Variants in ASXL2 observed in about 807,000 individuals in gnomAD.
The protein encoded by ASXL2 is putative Polycomb group protein ASXL2.
A neutral mutation model predicts 122.0 loss-of-function variants in ASXL2; 23 were observed. That is an observed-to-expected ratio of 0.19 (90% CI 0.14 to 0.27). The LOEUF (loss-of-function observed/expected upper bound fraction) is 0.27. Ranked by LOEUF, ASXL2 falls within the 10% of genes least tolerant of loss-of-function variation. ASXL2 has a pLI of 1.00. For synonymous variants in ASXL2, 650 were observed against 637.0 expected, an observed-to-expected ratio of 1.02 and a Z score of -0.31; for missense variants, 1,518 against 1,713.8, an observed-to-expected ratio of 0.89 and a Z score of 2.02.
In ASXL2 at chr2:25,786,979, C is replaced by CAA. The variant is rs368718510; in HGVS notation, c.403+12404_403+12405dup. ...GTAAGTCCTGGCTGGTACAAAATGG[C>CAA]AAAAAAAAAAAAGAAAAAGAAAATT... On this transcript the variant is annotated intron_variant, in intron 5 of 12. Coordinates refer to ENST00000435504, the MANE Select transcript of ASXL2 (RefSeq NM_018263.6). 3.7e-3 allele frequency among the ~76,000 whole-genome samples: 512 copies of CAA among 138,468 alleles called. 4 individuals are homozygous for CAA. The highest frequency in any genetic ancestry group is 0.024 in the East Asian group (104 of 4,414). The allele number at this position is 138,468 out of a possible 152,430, so 90.8% of individuals were successfully genotyped here.
At chr2:25,850,466 T>G (rs1574447910) in intron 1 of ASXL2, among the ~76,000 whole-genome samples, 1 of 152,344 alleles carries the variant, frequency 6.6e-6, no homozygotes, top group South Asian at 2.1e-4. Flanking sequence ...CCTCTGTCCC[T>G]TGCATTTCCT....
chr2:25,752,189 G>A (rs191910116), intron 11 of ASXL2, among the ~76,000 whole-genome samples: 88 of 152,284 alleles, frequency 5.8e-4, no homozygotes, highest in East Asian at 2.9e-3. Flanking sequence ...CTGTGGTTAC[G>A]GGTCTTCTTA....
Position 25,739,455 on chromosome 2 carries a change from T to A in ASXL2, c.*2574A>T, listed in dbSNP as rs17392059. 1 of 182,782 alleles carries A rather than the reference T, an allele frequency of 5.5e-6. No individual in the cohort carries two copies. The highest frequency in any genetic ancestry group is 2.0e-4 in the South Asian group (1 of 5,072). The allele number at this position is 182,782 out of a possible 1,614,324, so 11.3% of individuals were successfully genotyped here. Reference sequence around the variant, plus strand: ...CTCTGTGTTGAAACCAACTGATAAATAGACTGGTATTCAAGTTACTACCCA... The same window carrying A: ...CTCTGTGTTGAAACCAACTGATAAAAAGACTGGTATTCAAGTTACTACCCA... On this transcript the variant is annotated 3_prime_UTR_variant, in exon 13 of 13. Transcript: ENST00000435504.
chr2:25,771,555 G>A lies in ASXL2; in HGVS notation c.404-15C>T. The A allele has an allele frequency of 1.3e-6, 2 of 1,598,108 alleles. No homozygotes were observed. The highest frequency in any genetic ancestry group is 1.7e-6 in the Non-Finnish European group (2 of 1,168,404). Reference sequence around the variant, plus strand: ...GGACGACGATACTAGGGAAAAAAAAGTGACAATAAAAGATTTTTGTTAACA... The same window carrying A: ...GGACGACGATACTAGGGAAAAAAAAATGACAATAAAAGATTTTTGTTAACA... On this transcript the variant is annotated splice_polypyrimidine_tract_variant and intron_variant, in intron 5 of 12. Transcript: ENST00000435504.
chr2:25,754,172 A>G (rs1180147936), intron 10 of ASXL2, among the ~76,000 whole-genome samples: 1 of 152,080 alleles, frequency 6.6e-6, no homozygotes, highest in Admixed American at 6.6e-5. Context: ...TAATTGTTCC[A>G]CAAATTGTAC....
intron 3 of ASXL2, among the ~76,000 whole-genome samples, chr2:25,835,148 T>C (rs1390469191): frequency 6.6e-6 from 1 of 152,130 alleles, no homozygotes; most frequent in African/African-American, 2.4e-5. Context: ...TTTATCTAAA[T>C]TAAGAGCACA....
chr2:25,834,224 G>A (rs2089483693), intron 3 of ASXL2, among the ~76,000 whole-genome samples: 1 of 151,868 alleles, frequency 6.6e-6, no homozygotes, highest in Non-Finnish European at 1.5e-5. Context: ...TTGGTGGCAG[G>A]CACCTGTAAT....
rs753782912 is a variant in ASXL2, at chr2:25,799,340, G to C, written c.403+45C>G. 3.8e-5 allele frequency: 61 copies of C among 1,613,132 alleles called. No homozygotes were observed. The Admixed American group carries it at 7.5e-4, about 20-fold the overall frequency. The stretch of plus-strand genomic sequence containing the variant: ...AGAGGAACTACTAACAAGGGCATTT[G>C]TCCTACAGCATTTAGTACTTTATTG... On this transcript the variant is annotated intron_variant, in intron 5 of 12. Coordinates refer to ENST00000435504, the MANE Select transcript of ASXL2 (RefSeq NM_018263.6).
intron 9 of ASXL2, among the ~76,000 whole-genome samples, chr2:25,758,395 A>G (rs1171245769): frequency 2.6e-5 from 4 of 152,194 alleles, no homozygotes; most frequent in African/African-American, 9.6e-5. Flanking sequence ...AAACATTCTT[A>G]AAAGTTGGGG....
chr2:25,791,510 T>C (rs2088833826), intron 5 of ASXL2, among the ~76,000 whole-genome samples: 1 of 150,758 alleles, frequency 6.6e-6, no homozygotes. Flanking sequence ...AAAGGAACTT[T>C]GTACAACAAA....
intron 5 of ASXL2, among the ~76,000 whole-genome samples, chr2:25,779,760 C>T (rs932654106): frequency 1.3e-5 from 2 of 152,212 alleles, no homozygotes; most frequent in Non-Finnish European, 2.9e-5. Context: ...AGCTCTCTTC[C>T]TTAACTATAT....
At chr2:25,790,308 C>T (rs1164741074) in intron 5 of ASXL2, among the ~76,000 whole-genome samples, 4 of 48,080 alleles carry the variant, frequency 8.3e-5, no homozygotes, top group South Asian at 8.7e-4. Context: ...TGATATGAGT[C>T]GCAGTTGCGG....
At chr2:25,746,687 A>C (rs1396182216) in intron 12 of ASXL2, among the ~76,000 whole-genome samples, 3 of 152,212 alleles carry the variant, frequency 2.0e-5, no homozygotes, top group Non-Finnish European at 4.4e-5. Flanking sequence ...AAATAAGAAC[A>C]ACCATTATAA....
intron 1 of ASXL2, among the ~76,000 whole-genome samples, chr2:25,858,629 A>G (rs2089808085): frequency 6.6e-6 from 1 of 150,978 alleles, no homozygotes; most frequent in Non-Finnish European, 1.5e-5. Flanking sequence ...AGGCTGAGGC[A>G]GGAGAATTGC....
intron 3 of ASXL2, among the ~76,000 whole-genome samples, chr2:25,825,322 A>G (rs1284522523): frequency 6.6e-6 from 1 of 152,190 alleles, no homozygotes; most frequent in Non-Finnish European, 1.5e-5. Flanking sequence ...TTGTGGTAAA[A>G]TATACATAAA....
chr2:25,801,069 G>A (rs1193978959), intron 4 of ASXL2, among the ~76,000 whole-genome samples: 1 of 152,110 alleles, frequency 6.6e-6, no homozygotes, highest in Non-Finnish European at 1.5e-5. Context: ...TGGGACTACA[G>A]GTGTGTGCCA....
chr2:25,877,660 G>A (rs2090020361), intron 1 of ASXL2, among the ~76,000 whole-genome samples: 1 of 152,208 alleles, frequency 6.6e-6, no homozygotes, highest in African/African-American at 2.4e-5. Context: ...TCTCTCGTCT[G>A]CTCCGGGAGC....
chr2:25,878,237 T>C lies in ASXL2; in HGVS notation c.-15A>G. 1.2e-6 allele frequency: 2 copies of C among 1,613,418 alleles called. No homozygotes were observed. The highest frequency in any genetic ancestry group is 1.1e-5 in the South Asian group (1 of 91,052). On this transcript the variant is annotated 5_prime_UTR_variant, in exon 1 of 13. Transcript: ENST00000435504. Reference sequence around the variant, plus strand: ...TTTTCCCTCATGTCGGGTCTTGAACTGACTGGGAGGCTCCCGTGTCCGGGC... The same window carrying C: ...TTTTCCCTCATGTCGGGTCTTGAACCGACTGGGAGGCTCCCGTGTCCGGGC...
intron 3 of ASXL2, among the ~76,000 whole-genome samples, chr2:25,829,289 T>TACACACACACACACACATAC (rs1553703470): frequency 1.1e-4 from 16 of 145,698 alleles, no homozygotes; most frequent in African/African-American, 4.0e-4. Context: ...CACATACACA[T>TACACACACACACACACATAC]ACACACACAC....
Sources: allele counts gnomAD v4.1 joint callset (sites outside exome capture counted in the v4.1 genomes callset), GRCh38; gene constraint gnomAD v4.1.1; transcripts MANE v1.5; gene names NCBI Gene and HGNC (gene_info 2026-07-23, HGNC 2026-07-21).